Variants in FCF1 observed in about 807,000 individuals in gnomAD.
FCF1 encodes the protein rRNA-processing protein FCF1 homolog.
FCF1 carries 17 observed loss-of-function variants against 32.5 expected under a neutral mutation model. The observed-to-expected ratio is 0.52, with a 90% CI of 0.36 to 0.78. The LOEUF is 0.78. Ranked by LOEUF, FCF1 falls within the 30% of genes least tolerant of loss-of-function variation. The probability of loss-of-function intolerance (pLI) is 0.00; values close to 1 mark genes in which losing one functional copy is unlikely to be tolerated. For synonymous variants in FCF1, 84 were observed against 78.4 expected, an observed-to-expected ratio of 1.07 and a Z score of -0.38; for missense variants, 201 against 241.1, an observed-to-expected ratio of 0.83 and a Z score of 1.10.
rs957945167 is a variant in FCF1 at position 74,730,959 on chromosome 14, A to G, written c.366-1772A>G. 3.3e-5 allele frequency among the ~76,000 whole-genome samples: 5 copies of G among 152,012 alleles called. 1 individual carries two copies. The highest frequency in any genetic ancestry group is 2.1e-4 in the South Asian group (1 of 4,820). ...GTTGCAGTGAGCTGGGATTGTGCCA[A>G]TGCACTCCAGTCTGGGTGACAGAAT... On this transcript the variant is annotated intron_variant, in intron 5 of 7. Transcript: ENST00000341162.
intron 4 of FCF1, 79 bp from the exon 5 acceptor site, chr14:74,723,193 A>C (rs1019661253): frequency 6.4e-5 from 67 of 1,054,902 alleles, no homozygotes; most frequent in Non-Finnish European, 8.7e-5. Context: ...GGGTCTTTTT[A>C]AAACTCTGAG....
rs1394640381 is a variant in FCF1, at chr14:74,732,721, C to G, written c.366-10C>G. 6.3e-7 allele frequency: 1 copy of G among 1,589,680 alleles called. No homozygotes were observed. The highest frequency in any genetic ancestry group is 1.7e-5 in the Admixed American group (1 of 58,884). On this transcript the variant is annotated splice_polypyrimidine_tract_variant and intron_variant, in intron 5 of 7. Coordinates refer to ENST00000341162, the MANE Select transcript of FCF1 (RefSeq NM_015962.5). ...CAGCTGATTGAATGTTTTCTTTAATCCACCTACAGGATTGCCAAGGATCCA... is the reference window on the plus strand; with the variant it reads ...CAGCTGATTGAATGTTTTCTTTAATGCACCTACAGGATTGCCAAGGATCCA...
chr14:74,734,025 C>G lies in FCF1; in HGVS notation c.454-51C>G, dbSNP rs138967926. The G allele has an allele frequency of 1.3e-3, 1,644 of 1,232,596 alleles. 4 individuals are homozygous for G. Among genetic ancestry groups the G allele is most frequent in the Middle Eastern group, 1.9e-3 (10 of 5,308 alleles). The allele number at this position is 1,232,596 out of a possible 1,614,324, so 76.4% of individuals were successfully genotyped here. The stretch of plus-strand genomic sequence containing the variant: ...TCGTTGTGCCATTATCCAGTATTCA[C>G]TAAGCGTGCTCAGTGACCTCAGTGT... On this transcript the variant is annotated intron_variant, in intron 6 of 7. Coordinates refer to ENST00000341162, the MANE Select transcript of FCF1 (RefSeq NM_015962.5).
intron 4 of FCF1, among the ~76,000 whole-genome samples, chr14:74,718,975 C>CA (rs2090459571): frequency 6.6e-6 from 1 of 151,366 alleles, no homozygotes; most frequent in Admixed American, 6.6e-5. Flanking sequence ...ACTAAAAATA[C>CA]AAAAATTAGC....
intron 5 of FCF1, among the ~76,000 whole-genome samples, chr14:74,731,918 T>G (rs1182050803): frequency 6.6e-6 from 1 of 152,148 alleles, no homozygotes; most frequent in Non-Finnish European, 1.5e-5. Context: ...GGTTTTTCTT[T>G]TTCAAATATG....
intron 4 of FCF1, among the ~76,000 whole-genome samples, chr14:74,722,251 T>C (rs1051616559): frequency 2.6e-5 from 4 of 152,114 alleles, no homozygotes; most frequent in African/African-American, 7.2e-5. Flanking sequence ...TTTCACCATG[T>C]TGGCCAGGCT....
chr14:74,723,039 T>G (rs1179871995), intron 4 of FCF1, among the ~76,000 whole-genome samples: 2 of 152,158 alleles, frequency 1.3e-5, no homozygotes, highest in African/African-American at 4.8e-5. Context: ...GAGTTCAGCT[T>G]AGTTTTTTTT....
Position 74,724,272 on chromosome 14 carries a change from G to T in FCF1, c.365+928G>T, listed in dbSNP as rs988836366. 2.0e-5 allele frequency among the ~76,000 whole-genome samples: 3 copies of T among 151,942 alleles called. No homozygotes were observed. In the South Asian group the frequency reaches 6.2e-4, roughly 32 times the overall value. ...TCACAATGCCTGGTGGGTTTGGGGG[G>T]TTTTTTGTGTTTTGTTTTGTTCTGT... On this transcript the variant is annotated intron_variant, in intron 5 of 7. Transcript: ENST00000341162.
intron 5 of FCF1, among the ~76,000 whole-genome samples, chr14:74,726,787 T>C (rs1002565386): frequency 2.1e-5 from 3 of 145,172 alleles, no homozygotes; most frequent in African/African-American, 7.7e-5. Context: ...CCCCAGAGTG[T>C]GATGTTCCCC....
chr14:74,723,136 T>C, intron 4 of FCF1, 136 bp from the exon 5 acceptor site: 1 of 641,748 alleles, frequency 1.6e-6, no homozygotes, highest in South Asian at 1.7e-5. Flanking sequence ...CTAGTTCTTC[T>C]TGTATATTTC....
rs1400107320 is a variant in FCF1, at chr14:74,713,183, G to C, written c.-15G>C. On this transcript the variant is annotated 5_prime_UTR_variant, in exon 1 of 8. Transcript: ENST00000341162. ...CCGTTGGTGATTACGGAAGAACCAG[G>C]AGTTTGGCGTGACCATGGTGAGAGA... 2.5e-6 allele frequency: 4 copies of C among 1,614,126 alleles called. No individual in the cohort carries two copies. Among genetic ancestry groups the C allele is most frequent in the Admixed American group, 1.7e-5 (1 of 60,012 alleles).
chr14:74,726,837 A>G (rs2090583902), intron 5 of FCF1, among the ~76,000 whole-genome samples: 1 of 148,200 alleles, frequency 6.7e-6, no homozygotes, highest in Non-Finnish European at 1.5e-5. Context: ...GTTCCCACCT[A>G]TGAGTGAGAA....
At chr14:74,720,548 T>C (rs1446965852) in intron 4 of FCF1, among the ~76,000 whole-genome samples, 1 of 152,260 alleles carries the variant, frequency 6.6e-6, no homozygotes, top group Non-Finnish European at 1.5e-5. Context: ...CTAAATAATA[T>C]TCCACTGTAT....
At chr14:74,725,405 A>G (rs2090562907) in intron 5 of FCF1, among the ~76,000 whole-genome samples, 1 of 139,050 alleles carries the variant, frequency 7.2e-6, no homozygotes, top group Non-Finnish European at 1.5e-5. Context: ...ATTTGAGCCC[A>G]GGAGGCGGAG....
chr14:74,732,797 C>T lies in FCF1; in HGVS notation c.432C>T (p.Cys144=). 1 of 1,608,744 alleles carries T rather than the reference C, an allele frequency of 6.2e-7. No homozygotes were observed. Among genetic ancestry groups the T allele is most frequent in the Non-Finnish European group, 8.5e-7 (1 of 1,175,712 alleles). The part of the protein sequence containing the change: ...CTHKGTYADD[C]LVQRVTQHKC... ...ACAAAGGAACCTATGCAGATGACTGCTTAGTACAGAGAGTAACTCAGGTAT... is the reference window on the plus strand; with the variant it reads ...ACAAAGGAACCTATGCAGATGACTGTTTAGTACAGAGAGTAACTCAGGTAT... The change falls in exon 6 of 8, where the codon TGC becomes TGT. Residue 144 remains cysteine, a synonymous_variant. Coordinates refer to ENST00000341162, the MANE Select transcript of FCF1 (RefSeq NM_015962.5).
chr14:74,732,383 A>G (rs766612902), intron 5 of FCF1, among the ~76,000 whole-genome samples: 8 of 152,164 alleles, frequency 5.3e-5, no homozygotes, highest in South Asian at 2.1e-4. Flanking sequence ...GTTTAAGACA[A>G]CTTCTTAAAA....
At chr14:74,729,667 T>C (rs2090610255) in intron 5 of FCF1, among the ~76,000 whole-genome samples, 1 of 152,138 alleles carries the variant, frequency 6.6e-6, no homozygotes. Flanking sequence ...TTTGCTCTTG[T>C]TTTTCTAGTT....
Position 74,723,268 on chromosome 14 carries a change from G to A in FCF1, c.293-4G>A. 2 of 1,610,524 alleles carry A rather than the reference G, an allele frequency of 1.2e-6. No homozygotes were observed. Among genetic ancestry groups the A allele is most frequent in the Non-Finnish European group, 1.7e-6 (2 of 1,177,124 alleles). ...TTCTTAATGTGAATTTTTTTCCCTG[G>A]CAGGTATCCCATGTATAACCGATTG... On this transcript the variant is annotated splice_region_variant and splice_polypyrimidine_tract_variant and intron_variant, in intron 4 of 7. Coordinates refer to ENST00000341162, the MANE Select transcript of FCF1 (RefSeq NM_015962.5).
Position 74,727,739 on chromosome 14 carries a change from A to T in FCF1, c.365+4395A>T, listed in dbSNP as rs1254961792. Among the ~76,000 whole-genome samples, 3 of 152,252 alleles carry T rather than the reference A, an allele frequency of 2.0e-5. No individual in the cohort carries two copies. In the East Asian group the frequency reaches 5.8e-4, roughly 29 times the overall value. On this transcript the variant is annotated intron_variant, in intron 5 of 7. Coordinates refer to ENST00000341162, the MANE Select transcript of FCF1 (RefSeq NM_015962.5). ...TTTCTTTTAGGGTTTTTATGGTTTT[A>T]GGTCTAACGTTTAAGTCTTTAATCC...
Sources: allele counts gnomAD v4.1 joint callset (sites outside exome capture counted in the v4.1 genomes callset), GRCh38; gene constraint gnomAD v4.1.1; transcripts MANE v1.5; gene names NCBI Gene and HGNC (gene_info 2026-07-23, HGNC 2026-07-21).